The following NOS1AP variants were observed in gnomAD, a reference collection of about 807,000 sequenced individuals.
The protein encoded by NOS1AP is carboxyl-terminal PDZ ligand of neuronal nitric oxide synthase protein.
In NOS1AP, 21 loss-of-function variants were observed where a neutral mutation model predicts 56.2. The observed-to-expected ratio is 0.37, with a 90% CI of 0.26 to 0.54. The LOEUF is 0.54. NOS1AP is among the 20% of genes least tolerant of loss of function. The probability of loss-of-function intolerance (pLI) is 0.84; values close to 1 mark genes in which losing one functional copy is unlikely to be tolerated. For missense variants in NOS1AP, 522 were observed against 657.8 expected (o/e 0.79, Z 2.26); for synonymous variants, 270 against 274.6 (o/e 0.98, Z 0.17).
At chr1:162,094,111 C>G (rs1692187785) in intron 1 of NOS1AP, among the ~76,000 whole-genome samples, 1 of 152,156 alleles carries the variant, frequency 6.6e-6, no homozygotes, top group Non-Finnish European at 1.5e-5. Context: ...GTGATAGACT[C>G]GCACCAATGG....
chr1:162,178,363 G>A (rs767944240), intron 2 of NOS1AP, among the ~76,000 whole-genome samples: 20 of 152,324 alleles, frequency 1.3e-4, no homozygotes, highest in Admixed American at 6.5e-5. Flanking sequence ...GAATAAAGGT[G>A]AAAGACTGTG....
At chr1:162,183,241 T>C (rs143739078) in intron 2 of NOS1AP, among the ~76,000 whole-genome samples, 58 of 152,318 alleles carry the variant, frequency 3.8e-4, no homozygotes, top group East Asian at 1.9e-3. Flanking sequence ...GAAAGAAATA[T>C]ATTTCTGAGC....
At chr1:162,098,102 C>CTTTTTTTTTTTTT (rs35307081) in intron 1 of NOS1AP, among the ~76,000 whole-genome samples, 5 of 80,584 alleles carry the variant, frequency 6.2e-5, no homozygotes, top group African/African-American at 1.5e-4. Context: ...CTCTCTTTTG[C>CTTTTTTTTTTTTT]TTTTTTTTTT....
At chr1:162,245,509 C>T (rs1236721889) in intron 2 of NOS1AP, among the ~76,000 whole-genome samples, 2 of 152,136 alleles carry the variant, frequency 1.3e-5, no homozygotes, top group Non-Finnish European at 1.5e-5. Flanking sequence ...CCATATGATC[C>T]AACCATTCTA....
At chr1:162,239,490 G>T (rs554567002) in intron 2 of NOS1AP, among the ~76,000 whole-genome samples, 2 of 152,262 alleles carry the variant, frequency 1.3e-5, no homozygotes, top group South Asian at 4.1e-4. Flanking sequence ...TGTTCCAATG[G>T]TCAGATCCTG....
chr1:162,231,075 G>A (rs538332181), intron 2 of NOS1AP, among the ~76,000 whole-genome samples: 3 of 151,448 alleles, frequency 2.0e-5, no homozygotes, highest in South Asian at 4.2e-4. Context: ...ATTTTCCATA[G>A]CAAATGCATC....
At chr1:162,138,414 A>C (rs574803090) in intron 1 of NOS1AP, among the ~76,000 whole-genome samples, 4 of 152,202 alleles carry the variant, frequency 2.6e-5, no homozygotes, top group African/African-American at 9.7e-5. Flanking sequence ...TAGAATTTGT[A>C]TAAAAATACA....
At chr1:162,128,861 C>T (rs1336816861) in intron 1 of NOS1AP, among the ~76,000 whole-genome samples, 1 of 152,138 alleles carries the variant, frequency 6.6e-6, no homozygotes, top group Non-Finnish European at 1.5e-5. Flanking sequence ...CAGTTGCTGT[C>T]CTGTGAGGCC....
intron 2 of NOS1AP, among the ~76,000 whole-genome samples, chr1:162,171,338 A>G (rs894755191): frequency 3.3e-5 from 5 of 152,106 alleles, no homozygotes; most frequent in African/African-American, 1.2e-4. Context: ...TTCCTGCTTT[A>G]TAAGGAATGG....
intron 1 of NOS1AP, among the ~76,000 whole-genome samples, chr1:162,096,335 C>T (rs1692239760): frequency 6.6e-6 from 1 of 152,144 alleles, no homozygotes; most frequent in Admixed American, 6.5e-5. Context: ...GGTGACTTTG[C>T]CCTCATATCA....
At chr1:162,323,829 T>C (rs1190725215) in intron 4 of NOS1AP, among the ~76,000 whole-genome samples, 3 of 152,220 alleles carry the variant, frequency 2.0e-5, no homozygotes, top group Non-Finnish European at 4.4e-5. Context: ...AGCCTTTGGC[T>C]CTGTTCTGTC....
At chr1:162,305,376 C>T (rs948203082) in intron 4 of NOS1AP, among the ~76,000 whole-genome samples, 1 of 149,608 alleles carries the variant, frequency 6.7e-6, no homozygotes, top group African/African-American at 2.5e-5. Context: ...ACATCTAAAC[C>T]AATTCCTCCT....
chr1:162,306,514 A>G (rs1391434255), intron 4 of NOS1AP, among the ~76,000 whole-genome samples: 1 of 152,188 alleles, frequency 6.6e-6, no homozygotes, highest in Non-Finnish European at 1.5e-5. Flanking sequence ...CAACCGTAAA[A>G]TAGGAGAGGG....
Position 162,215,254 on chromosome 1 carries a change from C to T in NOS1AP, c.177+60778C>T, listed in dbSNP as rs578209429. On this transcript the variant is annotated intron_variant, in intron 2 of 9. Coordinates refer to ENST00000361897, the MANE Select transcript of NOS1AP (RefSeq NM_014697.3). ...CCCAGGAAGTGCCTTGCCAAGGCCC[C>T]GGGGCCGAGTCTTTCTGAGGCTTGC... Among the ~76,000 whole-genome samples, 11 of 152,304 alleles carry T rather than the reference C, an allele frequency of 7.2e-5. No homozygotes were observed. In the East Asian group the frequency reaches 7.7e-4, roughly 11 times the overall value.
rs1691976729 is a variant in NOS1AP, at chr1:162,085,239, C to T, written c.105+14957C>T. ...CCCAGCTTGTCTGTCTTCTCTCCAT[C>T]TTTCAGATTCTTCTCCTGCTTGTTT... On this transcript the variant is annotated intron_variant, in intron 1 of 9. Transcript: ENST00000361897. Among the ~76,000 whole-genome samples, 3 of 152,152 alleles carry T rather than the reference C, an allele frequency of 2.0e-5. 1 individual carries two copies. Among genetic ancestry groups the T allele is most frequent in the East Asian group, 3.9e-4 (2 of 5,146 alleles).
At chr1:162,268,485 C>A (rs1424754606) in intron 2 of NOS1AP, among the ~76,000 whole-genome samples, 9 of 152,240 alleles carry the variant, frequency 5.9e-5, no homozygotes, top group Non-Finnish European at 1.0e-4. Flanking sequence ...GCCTTGTGGG[C>A]AACAAGCCCT....
chr1:162,328,260 G>A (rs1656657287), intron 4 of NOS1AP, among the ~76,000 whole-genome samples: 1 of 152,200 alleles, frequency 6.6e-6, no homozygotes, highest in Non-Finnish European at 1.5e-5. Flanking sequence ...AATGCATGCT[G>A]GGATTAATAC....
In NOS1AP at chr1:162,194,860, A is replaced by C. The variant is rs376451710; in HGVS notation, c.177+40384A>C. On this transcript the variant is annotated intron_variant, in intron 2 of 9. Transcript: ENST00000361897. ...CATTTGAAATTGGGTTGGCACATTC[A>C]GTCCTGAAAAAGTGACCTTGCAGGA... 3.3e-4 allele frequency among the ~76,000 whole-genome samples: 50 copies of C among 152,308 alleles called. 1 individual carries two copies. The East Asian group carries it at 9.5e-3, about 29-fold the overall frequency.
chr1:162,116,732 C>T (rs1647973051), intron 1 of NOS1AP, among the ~76,000 whole-genome samples: 1 of 152,152 alleles, frequency 6.6e-6, no homozygotes, highest in African/African-American at 2.4e-5. Flanking sequence ...CACAAATTGA[C>T]ATTTTGATTT....
Sources: gnomAD v4.1 joint callset for allele counts (sites outside exome capture counted in the v4.1 genomes callset) on GRCh38, gnomAD v4.1.1 for gene constraint, MANE v1.5 for transcripts, NCBI Gene and HGNC (gene_info 2026-07-23, HGNC 2026-07-21) for gene names.